The following ATG10 variants were observed in gnomAD, a reference collection of about 807,000 sequenced individuals.
The protein encoded by ATG10 is ubiquitin-like-conjugating enzyme ATG10.
ATG10 carries 30 observed loss-of-function variants against 32.1 expected under a neutral mutation model. The observed-to-expected ratio is 0.94, with a 90% CI of 0.70 to 1.27. The LOEUF is 1.27. Among genes scored for constraint, ATG10 ranks in the 50% most tolerant of loss-of-function variants. The pLI is 0.00. For synonymous variants in ATG10, 87 were observed against 91.5 expected, an observed-to-expected ratio of 0.95 and a Z score of 0.28; for missense variants, 233 against 262.3, an observed-to-expected ratio of 0.89 and a Z score of 0.77.
At position 82,158,356 on chromosome 5, in the gene ATG10, G is replaced by A. The variant is rs60346253; in HGVS notation, c.217-6043G>A. 1.2e-4 allele frequency among the ~76,000 whole-genome samples: 8 copies of A among 67,480 alleles called. No individual in the cohort carries two copies. In the South Asian group the frequency reaches 1.7e-3, roughly 14 times the overall value. 44.3% of individuals were successfully genotyped at this position (67,480 alleles called of 152,430 possible). On this transcript the variant is annotated intron_variant, in intron 3 of 7. Transcript: ENST00000282185. ...TCAAATGAAATACAGCTGCCCCCCC[G>A]CCCCCCATCTCTGTGGGTTCCGTAT...
At chr5:82,251,717 A>G (rs1461919372) in intron 5 of ATG10, among the ~76,000 whole-genome samples, 1 of 152,308 alleles carries the variant, frequency 6.6e-6, no homozygotes, top group Admixed American at 6.5e-5. Context: ...CAATAAATGT[A>G]TCATCAATAA....
chr5:82,228,741 T>A (rs1310532087), intron 5 of ATG10, among the ~76,000 whole-genome samples: 2 of 152,176 alleles, frequency 1.3e-5, no homozygotes, highest in Non-Finnish European at 2.9e-5. Flanking sequence ...CCTTTAGAGG[T>A]GAACTTGTGT....
At chr5:82,214,781 T>TTTG (rs1745614501) in intron 5 of ATG10, among the ~76,000 whole-genome samples, 1 of 152,022 alleles carries the variant, frequency 6.6e-6, no homozygotes, top group Admixed American at 6.6e-5. Flanking sequence ...TCATTGAGAC[T>TTTG]CCCATGGGGA....
intron 3 of ATG10, among the ~76,000 whole-genome samples, chr5:82,125,645 A>G (rs1165425903): frequency 1.3e-5 from 2 of 152,052 alleles, no homozygotes; most frequent in Admixed American, 6.6e-5. Flanking sequence ...ATCTGTTTTG[A>G]TACAAGTACC....
intron 3 of ATG10, 92 bp from the exon 4 acceptor site, chr5:82,164,306 AT>A: frequency 7.9e-7 from 1 of 1,259,656 alleles, no homozygotes; most frequent in Non-Finnish European, 1.1e-6. Flanking sequence ...TTTAACTGTT[AT>A]TTTGTGAGAA....
chr5:81,975,681 T>C (rs952573516), intron 1 of ATG10, among the ~76,000 whole-genome samples: 7 of 148,264 alleles, frequency 4.7e-5, no homozygotes, highest in African/African-American at 1.5e-4. Flanking sequence ...GACCCCCCTC[T>C]CAAAAAAAAA....
At chr5:82,241,491 C>T (rs746643875) in intron 5 of ATG10, among the ~76,000 whole-genome samples, 2 of 152,126 alleles carry the variant, frequency 1.3e-5, no homozygotes, top group African/African-American at 4.8e-5. Context: ...CATGATCCTG[C>T]GTCTTGGCTA....
At chr5:82,069,621 G>A (rs1007603994) in intron 3 of ATG10, among the ~76,000 whole-genome samples, 3 of 151,998 alleles carry the variant, frequency 2.0e-5, no homozygotes, top group Admixed American at 6.6e-5. Context: ...AACTGATATC[G>A]CTTGTCTCTT....
At chr5:82,220,898 C>T (rs1338129618) in intron 5 of ATG10, among the ~76,000 whole-genome samples, 3 of 152,070 alleles carry the variant, frequency 2.0e-5, no homozygotes, top group African/African-American at 4.8e-5. Context: ...ACTGGGACTA[C>T]AGGCACGTGC....
At chr5:82,193,316 C>T (rs768783341) in intron 5 of ATG10, among the ~76,000 whole-genome samples, 51 of 152,158 alleles carry the variant, frequency 3.4e-4, no homozygotes, top group African/African-American at 1.2e-3. Flanking sequence ...AAATTGAATA[C>T]ATGTCTAAGT....
chr5:82,141,883 G>A (rs372601197), intron 3 of ATG10, among the ~76,000 whole-genome samples: 10 of 151,638 alleles, frequency 6.6e-5, no homozygotes, highest in African/African-American at 1.9e-4. Flanking sequence ...CCGTGGGATA[G>A]CCTCCCTCAT....
At chr5:82,156,358 G>A (rs192521509) in intron 3 of ATG10, among the ~76,000 whole-genome samples, 2 of 152,280 alleles carry the variant, frequency 1.3e-5, no homozygotes, top group Admixed American at 6.5e-5. Flanking sequence ...ATAAGGTGAA[G>A]TCTTAAAACC....
In ATG10 at chr5:82,146,546, A is replaced by G. The variant is rs554802844; in HGVS notation, c.217-17853A>G. ...CTCTAAACTGTTCTTCTAGGACTCC[A>G]GTTGTCTATATGTCTGATGTTCTGA... On this transcript the variant is annotated intron_variant, in intron 3 of 7. Coordinates refer to ENST00000282185, the MANE Select transcript of ATG10 (RefSeq NM_031482.5). Among the ~76,000 whole-genome samples, 3 of 150,638 alleles carry G rather than the reference A, an allele frequency of 2.0e-5. No individual in the cohort carries two copies. The South Asian group carries it at 6.3e-4, about 31-fold the overall frequency.
intron 3 of ATG10, among the ~76,000 whole-genome samples, chr5:82,152,234 G>A (rs1008107945): frequency 5.3e-5 from 8 of 152,212 alleles, no homozygotes; most frequent in African/African-American, 1.9e-4. Context: ...TTTATGAAGA[G>A]AAAGGAAATT....
rs953687784 is a variant in ATG10, at chr5:82,254,110, A to G, written c.*47A>G. On this transcript the variant is annotated 3_prime_UTR_variant, in exon 8 of 8. Coordinates refer to ENST00000282185, the MANE Select transcript of ATG10 (RefSeq NM_031482.5). ...AGGAATTGCGGCACGAAGAATGCCA[A>G]GAGTTTACCTGGCCAGCCCTGGCTT... 4 of 152,294 alleles carry G rather than the reference A, an allele frequency of 2.6e-5. No homozygotes were observed. The highest frequency in any genetic ancestry group is 4.8e-5 in the African/African-American group (2 of 41,454). 9.4% of individuals were successfully genotyped at this position (152,294 alleles called of 1,614,324 possible).
intron 3 of ATG10, among the ~76,000 whole-genome samples, chr5:82,064,820 T>C (rs1171794289): frequency 1.3e-5 from 2 of 152,170 alleles, no homozygotes; most frequent in African/African-American, 4.8e-5. Flanking sequence ...GACAGCAGCC[T>C]AAGTTTATGG....
intron 5 of ATG10, among the ~76,000 whole-genome samples, chr5:82,200,352 T>C (rs939571085): frequency 6.6e-6 from 1 of 152,128 alleles, no homozygotes; most frequent in Non-Finnish European, 1.5e-5. Flanking sequence ...TACTATGGTT[T>C]TTGTTTTGCA....
In ATG10 at chr5:82,136,139, C is replaced by G. The variant is rs539196720; in HGVS notation, c.217-28260C>G. Reference sequence around the variant, plus strand: ...GTGTCTTTGCACGTGAGATGGGTCTCCTGAATACAGCACACCGATGGGTCT... The same window carrying G: ...GTGTCTTTGCACGTGAGATGGGTCTGCTGAATACAGCACACCGATGGGTCT... On this transcript the variant is annotated intron_variant, in intron 3 of 7. Transcript: ENST00000282185. Among the ~76,000 whole-genome samples, 3 of 152,244 alleles carry G rather than the reference C, an allele frequency of 2.0e-5. No individual in the cohort carries two copies. In the East Asian group the frequency reaches 5.8e-4, roughly 29 times the overall value.
At chr5:82,148,057 C>T (rs1767438559) in intron 3 of ATG10, 1 of 152,176 alleles carries the variant, frequency 6.6e-6, no homozygotes, top group Non-Finnish European at 1.5e-5. Flanking sequence ...CAGATTACAG[C>T]CCTTGGGTTA....
Sources: gnomAD v4.1 joint callset for allele counts (sites outside exome capture counted in the v4.1 genomes callset) on GRCh38, gnomAD v4.1.1 for gene constraint, MANE v1.5 for transcripts, NCBI Gene and HGNC (gene_info 2026-07-23, HGNC 2026-07-21) for gene names.